EFCAB5: variants seen among roughly 807,000 people sequenced by gnomAD.
The protein encoded by EFCAB5 is EF-hand calcium-binding domain-containing protein 5.
EFCAB5 carries 131 observed loss-of-function variants against 167.9 expected under a neutral mutation model. The ratio of observed to expected loss-of-function variants is 0.78; its 90% confidence interval spans 0.68 to 0.90. The LOEUF (loss-of-function observed/expected upper bound fraction) is 0.90, where lower values mean the gene tolerates loss of function less well. Ranked by LOEUF, EFCAB5 falls within the 40% of genes least tolerant of loss-of-function variation. The pLI, the probability that EFCAB5 is intolerant of heterozygous loss-of-function variation, is 0.00. For missense variants in EFCAB5, 1,663 were observed against 1,745.2 expected (o/e 0.95, Z 0.84); for synonymous variants, 574 against 602.8 (o/e 0.95, Z 0.70).
At chr17:29,957,348 G>C (rs2067637600) in intron 3 of EFCAB5, among the ~76,000 whole-genome samples, 1 of 151,964 alleles carries the variant, frequency 6.6e-6, no homozygotes. Flanking sequence ...TAAGTTCCAG[G>C]ATACATGTGC....
At chr17:30,051,802 A>G (rs1051943070) in intron 9 of EFCAB5, among the ~76,000 whole-genome samples, 2 of 152,150 alleles carry the variant, frequency 1.3e-5, no homozygotes, top group African/African-American at 4.8e-5. Context: ...CTGGGATTGT[A>G]GGTGTAAGCC....
chr17:29,990,410 G>A (rs1273899431), intron 4 of EFCAB5, among the ~76,000 whole-genome samples: 1 of 151,760 alleles, frequency 6.6e-6, no homozygotes, highest in Non-Finnish European at 1.5e-5. Flanking sequence ...TCCACATATG[G>A]CACAATCAGG....
intron 4 of EFCAB5, among the ~76,000 whole-genome samples, chr17:29,991,862 G>A (rs2068427597): frequency 1.3e-5 from 2 of 152,134 alleles, no homozygotes; most frequent in African/African-American, 4.8e-5. Flanking sequence ...ATATATAGCA[G>A]CTTCTAGAGC....
intron 7 of EFCAB5, among the ~76,000 whole-genome samples, chr17:30,020,509 CG>C (rs2069152405): frequency 1.3e-5 from 2 of 151,970 alleles, no homozygotes; most frequent in East Asian, 3.9e-4. Flanking sequence ...GGATTACAGG[CG>C]TGTGCCACCA....
chr17:30,028,918 A>G (rs1000176614), intron 7 of EFCAB5, among the ~76,000 whole-genome samples: 1 of 152,088 alleles, frequency 6.6e-6, no homozygotes, highest in African/African-American at 2.4e-5. Context: ...TATTGACCTC[A>G]TTTTAATTTA....
At chr17:30,003,065 C>T (rs1212225445) in intron 7 of EFCAB5, among the ~76,000 whole-genome samples, 1 of 128,416 alleles carries the variant, frequency 7.8e-6, no homozygotes, top group Non-Finnish European at 1.6e-5. Flanking sequence ...CTCTGAGATT[C>T]TGTTATTTCT....
chr17:30,047,756 C>G (rs1157166878), intron 8 of EFCAB5, among the ~76,000 whole-genome samples: 1 of 152,168 alleles, frequency 6.6e-6, no homozygotes, highest in Admixed American at 6.5e-5. Flanking sequence ...ACTGGATCTA[C>G]TTACAGAAAA....
chr17:30,102,878 C>A (rs529067942), intron 22 of EFCAB5, among the ~76,000 whole-genome samples: 2 of 152,144 alleles, frequency 1.3e-5, no homozygotes, highest in African/African-American at 4.8e-5. Context: ...GTCACCCAGG[C>A]CGAAGTACAG....
intron 1 of EFCAB5, among the ~76,000 whole-genome samples, chr17:29,934,487 C>T (rs528064431): frequency 7.2e-5 from 11 of 152,082 alleles, no homozygotes; most frequent in South Asian, 4.2e-4. Flanking sequence ...ATTAAAAGGG[C>T]GCATCAGATA....
chr17:29,998,159 C>T (rs1368424893), intron 6 of EFCAB5, among the ~76,000 whole-genome samples: 1 of 152,134 alleles, frequency 6.6e-6, no homozygotes, highest in East Asian at 1.9e-4. Flanking sequence ...TTACTGATAA[C>T]CTTTTGTCCT....
intron 4 of EFCAB5, among the ~76,000 whole-genome samples, chr17:29,981,590 G>C (rs1368645450): frequency 6.6e-6 from 1 of 152,192 alleles, no homozygotes; most frequent in Non-Finnish European, 1.5e-5. Flanking sequence ...GTCTGTCATA[G>C]TCACCACTGA....
chr17:29,930,037 T>C, intron 1 of EFCAB5: 1 of 1,390,714 alleles, frequency 7.2e-7, no homozygotes, highest in Non-Finnish European at 9.5e-7. Context: ...AGGGCATTCT[T>C]GTCCTGAGTG....
upstream of EFCAB5, among the ~76,000 whole-genome samples, chr17:29,939,943 T>C (rs1471547846): frequency 1.3e-5 from 2 of 152,216 alleles, no homozygotes; most frequent in Non-Finnish European, 2.9e-5. Flanking sequence ...ACTATCCAGC[T>C]TCCTTTGTGA....
At chr17:30,078,574 AGAG>A in intron 15 of EFCAB5, 70 bp downstream of exon 15, 1 of 1,445,232 alleles carries the variant, frequency 6.9e-7, no homozygotes, top group African/African-American at 1.4e-5. Context: ...TGTTTGCAAA[AGAG>A]GAGCATCTTG....
At chr17:30,085,027 C>G (rs2071060650) in intron 18 of EFCAB5, among the ~76,000 whole-genome samples, 2 of 152,074 alleles carry the variant, frequency 1.3e-5, no homozygotes, top group African/African-American at 4.8e-5. Context: ...AGAGTGGTAA[C>G]AGCTCTTCCT....
chr17:30,026,175 TAAAA>T (rs1450270464), intron 7 of EFCAB5, among the ~76,000 whole-genome samples: 1 of 151,260 alleles, frequency 6.6e-6, no homozygotes, highest in Non-Finnish European at 1.5e-5. Context: ...ATAATAATAA[TAAAA>T]AATAAATAAA....
chr17:29,995,815 A>T (rs974015153), intron 5 of EFCAB5, among the ~76,000 whole-genome samples: 1 of 152,186 alleles, frequency 6.6e-6, no homozygotes, highest in African/African-American at 2.4e-5. Flanking sequence ...ACATCATTTC[A>T]TCCTTTCTTA....
intron 9 of EFCAB5, 99 bp downstream of exon 9, chr17:30,051,316 A>G: frequency 3.1e-6 from 3 of 966,676 alleles, no homozygotes; most frequent in Non-Finnish European, 4.7e-6. Context: ...AGATTATTCT[A>G]CCACCATGGA....
At chr17:29,961,102 A>G (rs1000217409) in intron 3 of EFCAB5, among the ~76,000 whole-genome samples, 7 of 152,196 alleles carry the variant, frequency 4.6e-5, no homozygotes, top group African/African-American at 1.7e-4. Flanking sequence ...CATTCTTACC[A>G]ACACTCGTTA....
Sources: gnomAD v4.1 joint callset for allele counts (sites outside exome capture counted in the v4.1 genomes callset) on GRCh38, gnomAD v4.1.1 for gene constraint, MANE v1.5 for transcripts, NCBI Gene and HGNC (gene_info 2026-07-23, HGNC 2026-07-21) for gene names.